ANKRD44: variants seen among roughly 807,000 people sequenced by gnomAD.
The protein encoded by ANKRD44 is serine/threonine-protein phosphatase 6 regulatory ankyrin repeat subunit B.
A neutral mutation model predicts 116.0 loss-of-function variants in ANKRD44; 35 were observed. The observed-to-expected ratio is 0.30, with a 90% CI of 0.23 to 0.40. ANKRD44 has a LOEUF of 0.40. Ranked by LOEUF, ANKRD44 falls within the 10% of genes least tolerant of loss-of-function variation. The probability of loss-of-function intolerance (pLI) is 1.00; values close to 1 mark genes in which losing one functional copy is unlikely to be tolerated. For synonymous variants in ANKRD44, 435 were observed against 461.8 expected, an observed-to-expected ratio of 0.94 and a Z score of 0.74; for missense variants, 1,014 against 1,242.6, an observed-to-expected ratio of 0.82 and a Z score of 2.77.
Position 197,210,367 on chromosome 2 carries a change from C to T in ANKRD44, c.28-23261G>A, listed in dbSNP as rs548143132. Among the ~76,000 whole-genome samples, 11 of 152,274 alleles carry T rather than the reference C, an allele frequency of 7.2e-5. No homozygotes were observed. The East Asian group carries it at 7.7e-4, about 11-fold the overall frequency. Reference sequence around the variant, plus strand: ...ACAGTGAGTTACGATTAACATCTTCCGTTTACAGATGAGAAAACCAAGGCT... The same window carrying T: ...ACAGTGAGTTACGATTAACATCTTCTGTTTACAGATGAGAAAACCAAGGCT... On this transcript the variant is annotated intron_variant, in intron 1 of 27. Coordinates refer to ENST00000282272, the MANE Select transcript of ANKRD44 (RefSeq NM_001195144.2).
At chr2:197,190,219 T>C (rs1330554126) in intron 1 of ANKRD44, among the ~76,000 whole-genome samples, 3 of 152,190 alleles carry the variant, frequency 2.0e-5, no homozygotes, top group Non-Finnish European at 4.4e-5. Context: ...CATGCATGCA[T>C]AGAGACACAT....
chr2:197,130,111 G>T lies in ANKRD44; in HGVS notation c.262-4074C>A, dbSNP rs529885416. Among the ~76,000 whole-genome samples, 8 of 152,264 alleles carry T rather than the reference G, an allele frequency of 5.3e-5. No homozygotes were observed. The South Asian group carries it at 1.5e-3, about 28-fold the overall frequency. ...ACTCTGGGCTGATGTCCCTGAGGCT[G>T]CTCTTAAGTCCTGCAGGCTTATGCT... On this transcript the variant is annotated intron_variant, in intron 4 of 27. Transcript: ENST00000282272.
chr2:197,273,980 A>AAAAAT (rs1553546147), intron 1 of ANKRD44, among the ~76,000 whole-genome samples: 16 of 43,938 alleles, frequency 3.6e-4, no homozygotes, highest in African/African-American at 1.6e-3. Context: ...AAAAAAAAAA[A>AAAAAT]ATATATATAT....
chr2:197,225,347 G>C (rs1234663174), intron 1 of ANKRD44, among the ~76,000 whole-genome samples: 1 of 151,896 alleles, frequency 6.6e-6, no homozygotes, highest in Non-Finnish European at 1.5e-5. Context: ...TTTTCTTTTT[G>C]TTGTTGTTGT....
chr2:197,102,505 C>G (rs1299303069), intron 9 of ANKRD44, among the ~76,000 whole-genome samples: 1 of 152,146 alleles, frequency 6.6e-6, no homozygotes, highest in East Asian at 1.9e-4. Flanking sequence ...TGGGTGAGAG[C>G]TGGTATCTCT....
rs780836038 is a variant in ANKRD44, at chr2:197,001,796, G to A, written c.2392C>T (p.Arg798Cys). 9 of 1,613,488 alleles carry A rather than the reference G, an allele frequency of 5.6e-6. No homozygotes were observed. In the African/African-American group the frequency reaches 8.0e-5, roughly 14 times the overall value. ...GTAAAGGGATTACCGATAAATTTGCGAAAACATTTTTGCTCCAAAAGTACC... is the reference window on the plus strand; with the variant it reads ...GTAAAGGGATTACCGATAAATTTGCAAAAACATTTTTGCTCCAAAAGTACC... ...IEVLLEQKCF[R>C]KFIGNPFTPL... The change falls in exon 22 of 28, where the codon CGC becomes TGC. Residue 798 changes from arginine (R) to cysteine (C), a missense_variant. Transcript: ENST00000282272.
At chr2:197,021,118 G>A (rs1175606047) in intron 17 of ANKRD44, among the ~76,000 whole-genome samples, 1 of 152,164 alleles carries the variant, frequency 6.6e-6, no homozygotes, top group Non-Finnish European at 1.5e-5. Flanking sequence ...CACTACAAAG[G>A]ACATGAACTC....
chr2:197,248,936 T>A (rs545842960), intron 1 of ANKRD44, among the ~76,000 whole-genome samples: 1 of 152,228 alleles, frequency 6.6e-6, no homozygotes, highest in East Asian at 1.9e-4. Context: ...AATTCTGTAA[T>A]ATATAAGAAA....
intron 6 of ANKRD44, 52 bp from the exon 7 acceptor site, chr2:197,122,844 C>T: frequency 1.3e-6 from 2 of 1,579,190 alleles, no homozygotes; most frequent in Non-Finnish European, 1.7e-6. Flanking sequence ...GGACAATTTG[C>T]TGATTCATTT....
intron 2 of ANKRD44, among the ~76,000 whole-genome samples, chr2:197,179,971 T>C (rs2080463517): frequency 6.6e-6 from 1 of 152,064 alleles, no homozygotes; most frequent in Non-Finnish European, 1.5e-5. Flanking sequence ...GTGACAATAT[T>C]GTCAGGCATG....
intron 16 of ANKRD44, among the ~76,000 whole-genome samples, chr2:197,035,859 G>A (rs1017137087): frequency 1.3e-5 from 2 of 151,874 alleles, no homozygotes. Context: ...TCCCTTCAGA[G>A]GATCCCAGGG....
intron 2 of ANKRD44, among the ~76,000 whole-genome samples, chr2:197,186,393 A>C (rs2080660112): frequency 6.6e-6 from 1 of 152,178 alleles, no homozygotes; most frequent in Admixed American, 6.6e-5. Context: ...CACACAACTC[A>C]AAATACTGAT....
At chr2:197,193,278 C>T (rs533195659) in intron 1 of ANKRD44, among the ~76,000 whole-genome samples, 3 of 152,074 alleles carry the variant, frequency 2.0e-5, no homozygotes, top group Non-Finnish European at 1.5e-5. Context: ...TCTTTAATAC[C>T]ACTAGTTATC....
chr2:197,310,655 T>G lies in ANKRD44; in HGVS notation c.-51A>C. On this transcript the variant is annotated 5_prime_UTR_variant, in exon 1 of 28. Coordinates refer to ENST00000282272, the MANE Select transcript of ANKRD44 (RefSeq NM_001195144.2). The stretch of plus-strand genomic sequence containing the variant: ...CATGCAGGTCCCCGGCCCGCAGATG[T>G]CACGCCGGGAGCCGGGGAAGCGGAA... 1 of 1,322,098 alleles carries G rather than the reference T, an allele frequency of 7.6e-7. No individual in the cohort carries two copies. The highest frequency in any genetic ancestry group is 9.9e-7 in the Non-Finnish European group (1 of 1,014,298). 81.9% of individuals were successfully genotyped at this position (1,322,098 alleles called of 1,614,324 possible).
In ANKRD44 at chr2:197,166,810, A is replaced by T. The variant is rs556481853; in HGVS notation, c.112-19705T>A. ...GCCACCAATGCTCACACTCTTAGCC[A>T]CTATTCTATGCTGTATCCTAGAATA... On this transcript the variant is annotated intron_variant, in intron 2 of 27. Coordinates refer to ENST00000282272, the MANE Select transcript of ANKRD44 (RefSeq NM_001195144.2). 2.0e-5 allele frequency among the ~76,000 whole-genome samples: 3 copies of T among 152,350 alleles called. No homozygotes were observed. The East Asian group carries it at 5.8e-4, about 29-fold the overall frequency.
In ANKRD44 at chr2:197,026,047, C is replaced by CAAAAAAAAA. The variant is rs111706910; in HGVS notation, c.1651-789_1651-781dup. 1.3e-4 allele frequency among the ~76,000 whole-genome samples: 17 copies of CAAAAAAAAA among 130,354 alleles called. 1 individual carries two copies. Among genetic ancestry groups the CAAAAAAAAA allele is most frequent in the South Asian group, 2.5e-4 (1 of 3,930 alleles). The allele number at this position is 130,354 out of a possible 152,430, so 85.5% of individuals were successfully genotyped here. ...CAGAGAAGGGGGAGATAAAAAGAAA[C>CAAAAAAAAA]AAAAAAAAAAAAAACACCTTTCTGG... On this transcript the variant is annotated intron_variant, in intron 16 of 27. Transcript: ENST00000282272.
At chr2:197,297,810 T>C (rs1405657604) in intron 1 of ANKRD44, among the ~76,000 whole-genome samples, 3 of 152,214 alleles carry the variant, frequency 2.0e-5, no homozygotes, top group African/African-American at 7.2e-5. Context: ...CTTAAAAAGA[T>C]TGTTTCTTCT....
intron 1 of ANKRD44, among the ~76,000 whole-genome samples, chr2:197,195,608 A>G (rs2080930143): frequency 6.6e-6 from 1 of 152,132 alleles, no homozygotes; most frequent in Non-Finnish European, 1.5e-5. Flanking sequence ...CACTCTTTAT[A>G]TATAGCCCAA....
Position 196,988,848 on chromosome 2 carries a change from A to G in ANKRD44, c.*743T>C. The G allele has an allele frequency of 2.0e-6, 2 of 985,370 alleles. No individual in the cohort carries two copies. The highest frequency in any genetic ancestry group is 2.4e-6 in the Non-Finnish European group (2 of 829,938). The allele number at this position is 985,370 out of a possible 1,614,324, so 61.0% of individuals were successfully genotyped here. Reference sequence around the variant, plus strand: ...CATTTCTCATCAGGTTACTGAGACTATGTGAGCTTTTCAGTGTACTTAGGG... The same window carrying G: ...CATTTCTCATCAGGTTACTGAGACTGTGTGAGCTTTTCAGTGTACTTAGGG... On this transcript the variant is annotated 3_prime_UTR_variant, in exon 28 of 28. Transcript: ENST00000282272.
Sources: allele counts gnomAD v4.1 joint callset (sites outside exome capture counted in the v4.1 genomes callset), GRCh38; gene constraint gnomAD v4.1.1; transcripts MANE v1.5; gene names NCBI Gene and HGNC (gene_info 2026-07-23, HGNC 2026-07-21).